The following QKI variants were observed in gnomAD, a reference collection of about 807,000 sequenced individuals.
The protein encoded by QKI is KH domain-containing RNA-binding protein QKI.
A neutral mutation model predicts 39.0 loss-of-function variants in QKI; 10 were observed. That is an observed-to-expected ratio of 0.26 (90% CI 0.16 to 0.43). QKI has a LOEUF of 0.43. Ranked by LOEUF, QKI falls within the 20% of genes least tolerant of loss-of-function variation. The pLI is 1.00. For missense variants in QKI, 218 were observed against 428.0 expected (o/e 0.51, Z 4.33); for synonymous variants, 204 against 155.4 (o/e 1.31, Z -2.33).
chr6:163,420,154 CTTTTTTT>C (rs35131240), intron 1 of QKI, among the ~76,000 whole-genome samples: 53 of 60,836 alleles, frequency 8.7e-4, no homozygotes, highest in Middle Eastern at 0.012. Flanking sequence ...CTTTTCTTTT[CTTTTTTT>C]TTTTTTTTTT....
At chr6:163,475,465 G>A (rs898686577) in intron 2 of QKI, among the ~76,000 whole-genome samples, 1 of 152,112 alleles carries the variant, frequency 6.6e-6, no homozygotes, top group Non-Finnish European at 1.5e-5. Flanking sequence ...CATAGGTTAT[G>A]TGCAAATATG....
intron 1 of QKI, among the ~76,000 whole-genome samples, chr6:163,419,265 C>T (rs1340454052): frequency 6.6e-6 from 1 of 151,596 alleles, no homozygotes; most frequent in Non-Finnish European, 1.5e-5. Context: ...ACTTCTTCTG[C>T]CTCTGTTATT....
intron 1 of QKI, among the ~76,000 whole-genome samples, chr6:163,433,086 A>T (rs1788963987): frequency 6.6e-6 from 1 of 152,214 alleles, no homozygotes; most frequent in Non-Finnish European, 1.5e-5. Flanking sequence ...ACATGTTGGT[A>T]AAAGGCACAA....
chr6:163,499,630 G>T (rs1778622891), intron 3 of QKI, among the ~76,000 whole-genome samples: 1 of 152,114 alleles, frequency 6.6e-6, no homozygotes, highest in Admixed American at 6.6e-5. Flanking sequence ...AATGTTTCCA[G>T]TATCTTCTGT....
intron 3 of QKI, among the ~76,000 whole-genome samples, chr6:163,491,477 T>TAAAA (rs769394734): frequency 3.9e-5 from 6 of 152,176 alleles, no homozygotes; most frequent in Non-Finnish European, 8.8e-5. Flanking sequence ...CATTTTTTTT[T>TAAAA]ATTTTTTATT....
chr6:163,549,430 G>A (rs549026607), intron 4 of QKI, among the ~76,000 whole-genome samples: 6 of 152,254 alleles, frequency 3.9e-5, no homozygotes, highest in Admixed American at 6.5e-5. Context: ...AAAACACTGC[G>A]CTGGGCATGG....
intron 3 of QKI, among the ~76,000 whole-genome samples, chr6:163,493,547 TG>T (rs1435470087): frequency 3.3e-5 from 5 of 152,238 alleles, no homozygotes; most frequent in Non-Finnish European, 7.3e-5. Flanking sequence ...GAAGAATATC[TG>T]TACTTTATCA....
chr6:163,420,041 A>G (rs1440606279), intron 1 of QKI, among the ~76,000 whole-genome samples: 1 of 152,170 alleles, frequency 6.6e-6, no homozygotes, highest in African/African-American at 2.4e-5. Flanking sequence ...GTGATGAAAG[A>G]AGTGAAGTAT....
intron 1 of QKI, among the ~76,000 whole-genome samples, chr6:163,429,417 A>G (rs1172578180): frequency 6.6e-6 from 1 of 152,136 alleles, no homozygotes; most frequent in Non-Finnish European, 1.5e-5. Context: ...ATCATGAGCA[A>G]AATTTTTCCT....
chr6:163,506,736 C>G (rs1184558783), intron 3 of QKI, among the ~76,000 whole-genome samples: 1 of 152,114 alleles, frequency 6.6e-6, no homozygotes, highest in African/African-American at 2.4e-5. Context: ...ATTGTAGACA[C>G]TTAGGAATGC....
intron 1 of QKI, among the ~76,000 whole-genome samples, chr6:163,447,892 A>T (rs1446538516): frequency 6.6e-6 from 1 of 152,180 alleles, no homozygotes; most frequent in African/African-American, 2.4e-5. Context: ...AGAAAAATTT[A>T]TATAATAACA....
chr6:163,450,940 T>C (rs773337925), intron 1 of QKI, among the ~76,000 whole-genome samples: 4 of 152,144 alleles, frequency 2.6e-5, no homozygotes, highest in Non-Finnish European at 5.9e-5. Flanking sequence ...TTTCATCAAG[T>C]AGTAGATAAA....
At chr6:163,510,685 T>C (rs967655519) in intron 3 of QKI, among the ~76,000 whole-genome samples, 3 of 152,132 alleles carry the variant, frequency 2.0e-5, no homozygotes, top group Admixed American at 2.0e-4. Context: ...TCAGGTAAAA[T>C]AGATTGCAAC....
rs553590773 is a variant in QKI, at chr6:163,433,767, T to TA, written c.142+18442dup. On this transcript the variant is annotated intron_variant, in intron 1 of 7. Transcript: ENST00000361752. ...GGGCAACAGAGTGAGACTCCTCTCATAAAAAAAAAAGAATGAACCACGAAA... is the reference window on the plus strand; with the variant it reads ...GGGCAACAGAGTGAGACTCCTCTCATAAAAAAAAAAAGAATGAACCACGAAA... Among the ~76,000 whole-genome samples the TA allele has an allele frequency of 9.3e-4, 137 of 146,694 alleles. 1 individual carries two copies. The South Asian group carries it at 0.014, about 15-fold the overall frequency.
intron 2 of QKI, among the ~76,000 whole-genome samples, chr6:163,463,148 A>G (rs1441748316): frequency 6.6e-6 from 1 of 152,238 alleles, no homozygotes; most frequent in Non-Finnish European, 1.5e-5. Flanking sequence ...ACTGAGTACT[A>G]AACATTTTGA....
chr6:163,429,576 G>A (rs1179523167), intron 1 of QKI, among the ~76,000 whole-genome samples: 1 of 152,104 alleles, frequency 6.6e-6, no homozygotes, highest in Non-Finnish European at 1.5e-5. Flanking sequence ...GGCTTTAGAA[G>A]TTACTTTTTT....
intron 1 of QKI, among the ~76,000 whole-genome samples, chr6:163,454,705 C>G (rs1203735489): frequency 6.6e-6 from 1 of 152,154 alleles, no homozygotes; most frequent in East Asian, 1.9e-4. Context: ...CCATTACTTG[C>G]TCTAAGACAT....
In QKI at chr6:163,453,755, A is replaced by G. The variant is rs891208321; in HGVS notation, c.143-1524A>G. On this transcript the variant is annotated intron_variant, in intron 1 of 7. Coordinates refer to ENST00000361752, the MANE Select transcript of QKI (RefSeq NM_006775.3). The stretch of plus-strand genomic sequence containing the variant: ...TAGATTTTTGTTGATTTTATTTGCT[A>G]TTCAGAGAAAAGCATTTCGTAAGCT... Among the ~76,000 whole-genome samples the G allele has an allele frequency of 2.6e-5, 4 of 152,320 alleles. No individual in the cohort carries two copies. The South Asian group carries it at 6.2e-4, about 24-fold the overall frequency.
chr6:163,439,930 G>C (rs770095884), intron 1 of QKI, among the ~76,000 whole-genome samples: 11 of 152,230 alleles, frequency 7.2e-5, no homozygotes, highest in Admixed American at 1.3e-4. Flanking sequence ...AATTACAGAC[G>C]TGAGCTACTG....
Sources: gnomAD v4.1 joint callset for allele counts (sites outside exome capture counted in the v4.1 genomes callset) on GRCh38, gnomAD v4.1.1 for gene constraint, MANE v1.5 for transcripts, NCBI Gene and HGNC (gene_info 2026-07-23, HGNC 2026-07-21) for gene names.